The following SURF6 variants were observed in gnomAD, a reference collection of about 807,000 sequenced individuals.
SURF6 encodes the protein surfeit locus protein 6.
A neutral mutation model predicts 37.5 loss-of-function variants in SURF6; 28 were observed. The ratio of observed to expected loss-of-function variants is 0.75; its 90% CI spans 0.55 to 1.02. The LOEUF (loss-of-function observed/expected upper bound fraction) is 1.02, where lower values mean the gene tolerates loss of function less well. Ranked by LOEUF, SURF6 falls within the 50% of genes least tolerant of loss-of-function variation. The pLI is 0.00. For synonymous variants in SURF6, 248 were observed against 210.9 expected, an observed-to-expected ratio of 1.18 and a Z score of -1.52; for missense variants, 560 against 490.5, an observed-to-expected ratio of 1.14 and a Z score of -1.34.
At position 133,331,995 on chromosome 9, in the gene SURF6, C is replaced by G; in HGVS notation, c.960G>C (p.Gln320His). 6.3e-7 allele frequency: 1 copy of G among 1,599,124 alleles called. No homozygotes were observed. The highest frequency in any genetic ancestry group is 1.1e-5 in the South Asian group (1 of 90,910). The part of the protein sequence containing the change: ...RTAGVVEKMQ[Q>H]RQDRRRQNLR... ...GGTTCTGCCGCCGCCGGTCCTGGCG[C>G]TGCTGCATCTTCTCCACCACGCCGG... is the stretch of plus-strand genomic sequence containing the variant. The change falls in exon 5 of 5, where the codon CAG (glutamine) becomes CAC (histidine). Residue 320 changes from glutamine (Q) to histidine (H), a missense_variant. Physicochemically the swap from Gln to His is conservative, Grantham distance 24 (BLOSUM62 0). Coordinates refer to ENST00000372022, the MANE Select transcript of SURF6 (RefSeq NM_006753.6).
At chr9:133,333,655 A>T in intron 3 of SURF6, 63 bp downstream of exon 3, 1 of 1,520,330 alleles carries the variant, frequency 6.6e-7, no homozygotes, top group East Asian at 2.3e-5. Context: ...CCTCGCTGAC[A>T]GCTGACCCCA....
intron 1 of SURF6, among the ~76,000 whole-genome samples, chr9:133,334,913 T>C (rs2129929452): frequency 6.6e-6 from 1 of 152,340 alleles, no homozygotes; most frequent in African/African-American, 2.4e-5. Flanking sequence ...CATGCTGCCA[T>C]CAAACACAAT....
At chr9:133,335,720 A>T (rs1214619035) in intron 1 of SURF6, among the ~76,000 whole-genome samples, 1 of 151,778 alleles carries the variant, frequency 6.6e-6, no homozygotes, top group East Asian at 1.9e-4. Context: ...AAAAAAAAAA[A>T]AAAAAATTAG....
At chr9:133,332,471 A>G in intron 4 of SURF6, 77 bp downstream of exon 4, 4 of 1,557,452 alleles carry the variant, frequency 2.6e-6, no homozygotes, top group Non-Finnish European at 2.6e-6. Flanking sequence ...GTTCGGAGAG[A>G]GATCATGAAG....
At chr9:133,333,370 C>T (rs1588672010) in intron 3 of SURF6, among the ~76,000 whole-genome samples, 2 of 152,192 alleles carry the variant, frequency 1.3e-5, no homozygotes, top group South Asian at 4.1e-4. Flanking sequence ...ACAGGGGAGA[C>T]AGTACCATTC....
chr9:133,332,749 C>T lies in SURF6; in HGVS notation c.405G>A (p.Lys135=). The part of the protein sequence containing the change: ...IQEARGQGSA[K]ELSPAALEKR... Reference sequence around the variant, plus strand: ...TCTCCAAGGCGGCAGGGGACAGCTCCTTGGCACTGCCCTGGGGGAAAGAGG... The same window carrying T: ...TCTCCAAGGCGGCAGGGGACAGCTCTTTGGCACTGCCCTGGGGGAAAGAGG... Residue 135 remains lysine (K), a synonymous_variant, in exon 4 of 5, where the codon AAG becomes AAA. Transcript: ENST00000372022. 6.2e-7 allele frequency: 1 copy of T among 1,610,886 alleles called. No individual in the cohort carries two copies. The highest frequency in any genetic ancestry group is 8.5e-7 in the Non-Finnish European group (1 of 1,180,022).
intron 3 of SURF6, 90 bp from the exon 4 acceptor site, chr9:133,332,850 G>T: frequency 7.6e-7 from 1 of 1,324,122 alleles, no homozygotes; most frequent in Non-Finnish European, 1.0e-6. Context: ...AGGGCTGGAA[G>T]GCAGGTGAGA....
At chr9:133,335,052 C>A (rs915900781) in intron 1 of SURF6, among the ~76,000 whole-genome samples, 1 of 152,170 alleles carries the variant, frequency 6.6e-6, no homozygotes, top group African/African-American at 2.4e-5. Context: ...CTCCACTTCT[C>A]GAGTTCAAGC....
rs1432162052 is a variant in SURF6 at position 133,332,267 on chromosome 9, GCGTGAGGTTCCC to G, written c.676_687del (p.Gly226_Thr229del). ...TGCCGGTAGTTCCTCCCGGTCAGCG[GCGTGAGGTTCCC>G]CTTCACCCTCTGCCTCTTCTCTTTT... On this transcript the variant is annotated inframe_deletion, in exon 5 of 5. Coordinates refer to ENST00000372022, the MANE Select transcript of SURF6 (RefSeq NM_006753.6). The G allele has an allele frequency of 1.2e-6, 2 of 1,602,908 alleles. No homozygotes were observed. The highest frequency in any genetic ancestry group is 2.2e-5 in the South Asian group (2 of 91,030).
At position 133,336,149 on chromosome 9, in the gene SURF6, G is replaced by A. The variant is rs1460581661; in HGVS notation, c.-17C>T. The A allele has an allele frequency of 1.9e-6, 3 of 1,603,986 alleles. No homozygotes were observed. Among genetic ancestry groups the A allele is most frequent in the African/African-American group, 2.7e-5 (2 of 74,320 alleles). ...AGAGGCCATGGCGGAGACCCGGGCC[G>A]TTCACGACTCACACCTTCCCCGCTG... On this transcript the variant is annotated 5_prime_UTR_variant, in exon 1 of 5. It adds an upstream start codon to the 5' untranslated region. Transcript: ENST00000372022.
intron 3 of SURF6, 136 bp from the exon 4 acceptor site, chr9:133,332,896 A>G: frequency 2.6e-6 from 2 of 762,936 alleles, no homozygotes; most frequent in East Asian, 5.3e-5. Context: ...GCGGAGTTCA[A>G]TGTTCCACCA....
At chr9:133,335,866 A>G (rs1479383026) in intron 1 of SURF6, among the ~76,000 whole-genome samples, 173 bp downstream of exon 1, 1 of 152,102 alleles carries the variant, frequency 6.6e-6, no homozygotes, top group African/African-American at 2.4e-5. Flanking sequence ...ACAGAGCGAG[A>G]CTCCGTCTCC....
intron 3 of SURF6, 95 bp from the exon 4 acceptor site, chr9:133,332,855 G>T: frequency 7.8e-7 from 1 of 1,289,308 alleles, no homozygotes; most frequent in Non-Finnish European, 1.1e-6. Flanking sequence ...TGGAAGGCAG[G>T]TGAGAAAATC....
In SURF6 at chr9:133,336,102, G is replaced by T; in HGVS notation, c.31C>A (p.Leu11Met). 6.2e-7 allele frequency: 1 copy of T among 1,612,870 alleles called. No individual in the cohort carries two copies. Reference protein sequence around the residue: MASLLAKDAYLQSLAKKICSH... With the variant: MASLLAKDAYMQSLAKKICSH... Reference sequence around the variant, plus strand: ...CAGATCTTCTTGGCCAGGCTCTGCAGGTAGGCGTCCTTGGCGAGTAGAGAG... The same window carrying T: ...CAGATCTTCTTGGCCAGGCTCTGCATGTAGGCGTCCTTGGCGAGTAGAGAG... The change falls in exon 1 of 5, where the codon CTG (leucine) becomes ATG (methionine). Residue 11 changes from leucine to methionine, a missense_variant. Physicochemically the swap from Leu to Met is conservative, Grantham distance 15. Transcript: ENST00000372022.
rs10712179 is a variant in SURF6 at position 133,335,320 on chromosome 9, GA to G, written c.94+718del. On this transcript the variant is annotated intron_variant, in intron 1 of 4. Coordinates refer to ENST00000372022, the MANE Select transcript of SURF6 (RefSeq NM_006753.6). ...AAAGTAGGAGCTGAATCGTTTTAAT[GA>G]AAAAAAAAAAAAATTTCAAAAAGGA... Among the ~76,000 whole-genome samples, 241 of 124,842 alleles carry G rather than the reference GA, an allele frequency of 1.9e-3. 1 individual carries two copies. Among genetic ancestry groups the G allele is most frequent in the South Asian group, 9.3e-3 (31 of 3,318 alleles). 81.9% of individuals were successfully genotyped at this position (124,842 alleles called of 152,430 possible).
intron 1 of SURF6, 49 bp downstream of exon 1, chr9:133,335,990 G>A: frequency 1.3e-6 from 2 of 1,525,324 alleles, no homozygotes; most frequent in Non-Finnish European, 1.8e-6. Flanking sequence ...CTCCGGCCGC[G>A]TCCCCCGTTT....
Position 133,331,794 on chromosome 9 carries a change from G to C in SURF6, c.*75C>G, listed in dbSNP as rs1163671888. 6.8e-7 allele frequency: 1 copy of C among 1,468,866 alleles called. No individual in the cohort carries two copies. The allele number at this position is 1,468,866 out of a possible 1,614,324, so 91.0% of individuals were successfully genotyped here. ...CGAGGTCTGTGGAGATCCTGGGACA[G>C]AGCCAGCGTCAAGGACTCAGAGGGT... On this transcript the variant is annotated 3_prime_UTR_variant, in exon 5 of 5. Transcript: ENST00000372022.
chr9:133,332,798 G>C lies in SURF6; in HGVS notation c.394-38C>G, dbSNP rs186414813. 3.8e-6 allele frequency: 6 copies of C among 1,590,930 alleles called. No individual in the cohort carries two copies. In the African/African-American group the frequency reaches 6.7e-5, roughly 18 times the overall value. ...GGCACCCACTCATTAAAGTTCTCTCGATCCCAGGGTCCCCCAGCCTGGCCC... is the reference window on the plus strand; with the variant it reads ...GGCACCCACTCATTAAAGTTCTCTCCATCCCAGGGTCCCCCAGCCTGGCCC... On this transcript the variant is annotated intron_variant, in intron 3 of 4. Coordinates refer to ENST00000372022, the MANE Select transcript of SURF6 (RefSeq NM_006753.6).
In SURF6 at chr9:133,333,688, G is replaced by C. The variant is rs2129924145; in HGVS notation, c.393+30C>G. ...CCAGGGAGAACACAGGCAGAGCAGT[G>C]ACGGCACTCCAGCAAACCTGCCCGC... On this transcript the variant is annotated intron_variant, in intron 3 of 4. Coordinates refer to ENST00000372022, the MANE Select transcript of SURF6 (RefSeq NM_006753.6). The C allele has an allele frequency of 3.1e-6, 5 of 1,604,360 alleles. No individual in the cohort carries two copies. In the East Asian group the frequency reaches 8.9e-5, roughly 29 times the overall value.
Sources: allele counts gnomAD v4.1 joint callset (sites outside exome capture counted in the v4.1 genomes callset), GRCh38; gene constraint gnomAD v4.1.1; transcripts MANE v1.5; gene names NCBI Gene and HGNC (gene_info 2026-07-23, HGNC 2026-07-21).